Variants in RBFOX1 observed in about 807,000 individuals in gnomAD.
RBFOX1 encodes the protein RNA binding protein fox-1 homolog 1.
In RBFOX1, 8 loss-of-function variants were observed where a neutral mutation model predicts 57.7. That is an observed-to-expected ratio of 0.14 (90% confidence interval 0.08 to 0.25). The LOEUF is 0.25. Ranked by LOEUF, RBFOX1 falls within the 10% of genes least tolerant of loss-of-function variation. RBFOX1 has a pLI of 1.00. For missense variants in RBFOX1, 611 were observed against 548.5 expected (o/e 1.11, Z -1.14); for synonymous variants, 326 against 222.4 (o/e 1.47, Z -4.15).
intron 3 of RBFOX1, among the ~76,000 whole-genome samples, chr16:5,622,509 C>T (rs2048228345): frequency 1.3e-5 from 2 of 152,150 alleles, no homozygotes; most frequent in Admixed American, 1.3e-4. Context: ...TCGTTCATGC[C>T]TGTGGAATTT....
chr16:7,464,123 G>A lies in RBFOX1; in HGVS notation c.28-54024G>A, dbSNP rs568872159. 5.9e-5 allele frequency among the ~76,000 whole-genome samples: 9 copies of A among 152,194 alleles called. No individual in the cohort carries two copies. The East Asian group carries it at 1.5e-3, about 26-fold the overall frequency. On this transcript the variant is annotated intron_variant, in intron 4 of 15. Coordinates refer to ENST00000550418, the MANE Select transcript of RBFOX1 (RefSeq NM_018723.4). ...TACTTGTACATTGCCACTCCCTTCT[G>A]GTGCTCAATGGCTCTGATTTCCTTA... is the stretch of plus-strand genomic sequence containing the variant.
intron 2 of RBFOX1, among the ~76,000 whole-genome samples, chr16:6,319,450 A>C (rs1232441424): frequency 1.3e-5 from 2 of 152,172 alleles, no homozygotes; most frequent in Non-Finnish European, 2.9e-5. Context: ...ATGATGGTCG[A>C]ACAGGTACAA....
At chr16:6,520,410 TA>T (rs777678467) in intron 2 of RBFOX1, among the ~76,000 whole-genome samples, 11 of 152,194 alleles carry the variant, frequency 7.2e-5, no homozygotes, top group Non-Finnish European at 1.2e-4. Flanking sequence ...ACATAGACTA[TA>T]AAATCCTAAT....
intron 4 of RBFOX1, among the ~76,000 whole-genome samples, chr16:7,238,844 C>T (rs2093912249): frequency 6.6e-6 from 1 of 152,084 alleles, no homozygotes. Flanking sequence ...TCTATGTGTC[C>T]ACGTGTTTTT....
intron 4 of RBFOX1, among the ~76,000 whole-genome samples, chr16:7,292,642 CG>C (rs1396731299): frequency 6.6e-6 from 1 of 151,122 alleles, no homozygotes. Flanking sequence ...TGATGCCAAG[CG>C]AGAGTTTTTT....
intron 3 of RBFOX1, among the ~76,000 whole-genome samples, chr16:6,922,262 C>A (rs540987510): frequency 6.6e-6 from 1 of 152,084 alleles, no homozygotes; most frequent in Non-Finnish European, 1.5e-5. Context: ...GAGCATCCTA[C>A]ATTGATATAA....
At chr16:6,603,985 C>T (rs560002802) in intron 2 of RBFOX1, among the ~76,000 whole-genome samples, 1 of 152,100 alleles carries the variant, frequency 6.6e-6, no homozygotes, top group Non-Finnish European at 1.5e-5. Flanking sequence ...CTTCTCCCAG[C>T]CTTGGGGGTT....
At chr16:5,651,991 G>A (rs1395811774) in intron 3 of RBFOX1, among the ~76,000 whole-genome samples, 5 of 152,072 alleles carry the variant, frequency 3.3e-5, no homozygotes, top group Non-Finnish European at 5.9e-5. Context: ...AAAAATAGCC[G>A]GGCTTGGTGA....
chr16:6,530,670 A>T (rs2153817151), intron 2 of RBFOX1, among the ~76,000 whole-genome samples: 1 of 152,242 alleles, frequency 6.6e-6, no homozygotes, highest in East Asian at 1.9e-4. Context: ...TGGTGGAAGG[A>T]GGAGCAAGTT....
rs535915014 is a variant in RBFOX1 at position 7,049,034 on chromosome 16, C to A, written c.-15-3023C>A. 7.0e-4 allele frequency among the ~76,000 whole-genome samples: 107 copies of A among 152,204 alleles called. 1 individual carries two copies. The highest frequency in any genetic ancestry group is 2.4e-3 in the African/African-American group (101 of 41,528). On this transcript the variant is annotated intron_variant, in intron 3 of 15. Coordinates refer to ENST00000550418, the MANE Select transcript of RBFOX1 (RefSeq NM_018723.4). Reference sequence around the variant, plus strand: ...GTTCAATTCTCAAAGCTTATGGAAACATTTTAGGGTCAGATACAGACATGA... The same window carrying A: ...GTTCAATTCTCAAAGCTTATGGAAAAATTTTAGGGTCAGATACAGACATGA...
intron 2 of RBFOX1, chr16:6,573,819 G>T (rs562438005): frequency 1.3e-5 from 2 of 152,334 alleles, no homozygotes; most frequent in East Asian, 3.9e-4. Context: ...GCACCGTGGG[G>T]AGGCAGTGAC....
chr16:6,187,815 A>C (rs997099568), intron 1 of RBFOX1, among the ~76,000 whole-genome samples: 5 of 152,180 alleles, frequency 3.3e-5, no homozygotes, highest in African/African-American at 1.2e-4. Context: ...ACCCAGAGCA[A>C]AGTCAGCTTT....
chr16:7,193,547 C>T (rs1320071202), intron 4 of RBFOX1, among the ~76,000 whole-genome samples: 1 of 152,212 alleles, frequency 6.6e-6, no homozygotes, highest in Non-Finnish European at 1.5e-5. Context: ...ATGGTCCTTA[C>T]ACGTGCCAGA....
At chr16:7,021,000 C>A (rs930767494) in intron 3 of RBFOX1, among the ~76,000 whole-genome samples, 1 of 152,104 alleles carries the variant, frequency 6.6e-6, no homozygotes, top group Non-Finnish European at 1.5e-5. Context: ...TAGTGGCAGG[C>A]ATCTGTAATC....
chr16:6,958,766 G>A (rs2082356761), intron 3 of RBFOX1, among the ~76,000 whole-genome samples: 1 of 152,084 alleles, frequency 6.6e-6, no homozygotes, highest in Admixed American at 6.6e-5. Flanking sequence ...AAATTTATGG[G>A]CAGAAACATT....
At chr16:5,288,291 G>A (rs1442389157) in intron 1 of RBFOX1, among the ~76,000 whole-genome samples, 4 of 152,156 alleles carry the variant, frequency 2.6e-5, no homozygotes, top group Admixed American at 6.5e-5. Context: ...AAAGAAGGCC[G>A]GCTGTTAGGA....
chr16:6,040,643 G>T (rs1336087836), intron 1 of RBFOX1, among the ~76,000 whole-genome samples: 1 of 151,442 alleles, frequency 6.6e-6, no homozygotes, highest in South Asian at 2.1e-4. Flanking sequence ...TTGCCTAGCT[G>T]GAGTGCTGTG....
chr16:7,326,191 C>G (rs1262190408), intron 4 of RBFOX1, among the ~76,000 whole-genome samples: 1 of 152,176 alleles, frequency 6.6e-6, no homozygotes, highest in African/African-American at 2.4e-5. Context: ...CAGGCAAACA[C>G]AGGGATTGAG....
chr16:6,115,192 C>A (rs1359155224), intron 1 of RBFOX1, among the ~76,000 whole-genome samples: 1 of 152,128 alleles, frequency 6.6e-6, no homozygotes, highest in East Asian at 1.9e-4. Flanking sequence ...TTTACTTCAT[C>A]CTGTCAGGAC....
Sources: gnomAD v4.1 joint callset for allele counts (sites outside exome capture counted in the v4.1 genomes callset) on GRCh38, gnomAD v4.1.1 for gene constraint, MANE v1.5 for transcripts, NCBI Gene and HGNC (gene_info 2026-07-23, HGNC 2026-07-21) for gene names.